The following MRPS28 variants were observed in gnomAD, a reference collection of about 807,000 sequenced individuals.
MRPS28 encodes the protein small ribosomal subunit protein bS1m.
MRPS28 carries 7 observed loss-of-function variants against 10.8 expected under a neutral mutation model. The ratio of observed to expected loss-of-function variants is 0.65; its 90% CI spans 0.37 to 1.22. The LOEUF (loss-of-function observed/expected upper bound fraction) is 1.22. Ranked by LOEUF, MRPS28 falls within the 50% of genes most tolerant of loss-of-function variation. The probability of loss-of-function intolerance (pLI) is 0.02; values close to 1 mark genes in which losing one functional copy is unlikely to be tolerated. For synonymous variants in MRPS28, 121 were observed against 93.3 expected, an observed-to-expected ratio of 1.30 and a Z score of -1.71; for missense variants, 265 against 232.9, an observed-to-expected ratio of 1.14 and a Z score of -0.90.
intron 2 of MRPS28, among the ~76,000 whole-genome samples, chr8:79,970,938 G>T (rs1336614908): frequency 6.6e-6 from 1 of 152,180 alleles, no homozygotes; most frequent in African/African-American, 2.4e-5. Flanking sequence ...TATTGTTTGG[G>T]CTAAGAAATT....
At chr8:80,002,064 G>A (rs1320931676) in intron 2 of MRPS28, among the ~76,000 whole-genome samples, 1 of 152,044 alleles carries the variant, frequency 6.6e-6, no homozygotes, top group Non-Finnish European at 1.5e-5. Flanking sequence ...GGTAGGACAA[G>A]CTTATGTCTC....
In MRPS28 at chr8:79,940,190, T is replaced by G. The variant is rs76456690; in HGVS notation, c.396-21042A>C. Among the ~76,000 whole-genome samples, 1,074 of 152,148 alleles carry G rather than the reference T, an allele frequency of 7.1e-3. 13 individuals are homozygous for G. The highest frequency in any genetic ancestry group is 0.056 in the East Asian group (290 of 5,158). ...GCAAAAATCTCTGGTAAAAAAGATA[T>G]TAGGTTTTAAAACAGGTTTCATGGC... On this transcript the variant is annotated intron_variant, in intron 2 of 2. Coordinates refer to ENST00000276585, the MANE Select transcript of MRPS28 (RefSeq NM_014018.3).
chr8:79,980,635 T>C (rs1448428241), intron 2 of MRPS28, among the ~76,000 whole-genome samples: 1 of 152,198 alleles, frequency 6.6e-6, no homozygotes, highest in Non-Finnish European at 1.5e-5. Context: ...CTAAGAACAG[T>C]ATATTCAACC....
At chr8:80,018,247 G>A (rs1278914118) in intron 1 of MRPS28, among the ~76,000 whole-genome samples, 1 of 121,540 alleles carries the variant, frequency 8.2e-6, no homozygotes, top group Non-Finnish European at 1.6e-5. Context: ...AGTGAGCCGA[G>A]ATCGTGCCAC....
chr8:80,000,618 T>C (rs910535093), intron 2 of MRPS28, among the ~76,000 whole-genome samples: 3 of 152,214 alleles, frequency 2.0e-5, no homozygotes, highest in Admixed American at 2.0e-4. Flanking sequence ...ATTTAATAAA[T>C]GTTGTAATAG....
At chr8:80,011,684 C>T (rs1285090292) in intron 1 of MRPS28, among the ~76,000 whole-genome samples, 9 of 151,866 alleles carry the variant, frequency 5.9e-5, no homozygotes, top group South Asian at 2.1e-4. Flanking sequence ...ACCCAGGAGG[C>T]GGAGGTTGCA....
chr8:79,949,759 C>G (rs1586053590), intron 2 of MRPS28, among the ~76,000 whole-genome samples: 1 of 151,854 alleles, frequency 6.6e-6, no homozygotes, highest in African/African-American at 2.4e-5. Flanking sequence ...CAATGAACAC[C>G]AAGTCTCTGA....
intron 2 of MRPS28, among the ~76,000 whole-genome samples, chr8:79,953,161 C>T (rs1377440289): frequency 6.6e-6 from 1 of 152,190 alleles, no homozygotes; most frequent in Admixed American, 6.5e-5. Context: ...GCTGCTTGAG[C>T]TCAGCAGGCT....
rs1221154821 is a variant in MRPS28 at position 79,938,931 on chromosome 8, T to G, written c.396-19783A>C. Among the ~76,000 whole-genome samples, 5 of 152,140 alleles carry G rather than the reference T, an allele frequency of 3.3e-5. No individual in the cohort carries two copies. In the East Asian group the frequency reaches 9.6e-4, roughly 29 times the overall value. On this transcript the variant is annotated intron_variant, in intron 2 of 2. Transcript: ENST00000276585. ...ATTAAGTAAAATCAAACATTTAACA[T>G]AAAATCTACAGATGGGGGATTCCTT...
chr8:79,958,318 T>C (rs1807281915), intron 2 of MRPS28: 2 of 687,482 alleles, frequency 2.9e-6, no homozygotes, highest in South Asian at 3.1e-5. Flanking sequence ...GGTTCATCCA[T>C]GTTGTATTAC....
At chr8:80,018,312 A>AAT (rs1474039061) in intron 1 of MRPS28, among the ~76,000 whole-genome samples, 3 of 151,268 alleles carry the variant, frequency 2.0e-5, no homozygotes, top group African/African-American at 7.3e-5. Flanking sequence ...AAAAAAAAAA[A>AAT]AAAAAGGCAA....
intron 2 of MRPS28, among the ~76,000 whole-genome samples, chr8:79,976,441 A>C (rs1807801846): frequency 6.6e-6 from 1 of 152,194 alleles, no homozygotes; most frequent in African/African-American, 2.4e-5. Context: ...TCCATGGCTC[A>C]TGCCCATAAT....
chr8:80,000,607 G>C (rs1445767375), intron 2 of MRPS28, among the ~76,000 whole-genome samples: 1 of 152,150 alleles, frequency 6.6e-6, no homozygotes, highest in East Asian at 1.9e-4. Flanking sequence ...AAAAAATTAA[G>C]ATTTAATAAA....
chr8:80,014,498 T>C (rs1563543360), intron 1 of MRPS28, among the ~76,000 whole-genome samples: 1 of 152,192 alleles, frequency 6.6e-6, no homozygotes, highest in East Asian at 1.9e-4. Flanking sequence ...AAAGGAAGGC[T>C]GGGAAGTCTG....
intron 1 of MRPS28, among the ~76,000 whole-genome samples, chr8:80,021,276 C>T (rs1809356197): frequency 1.3e-5 from 2 of 152,180 alleles, no homozygotes; most frequent in East Asian, 3.8e-4. Flanking sequence ...GCTGGGATTA[C>T]AGGTGTGAGC....
At chr8:79,948,118 G>C (rs1806974381) in intron 2 of MRPS28, among the ~76,000 whole-genome samples, 1 of 151,280 alleles carries the variant, frequency 6.6e-6, no homozygotes, top group East Asian at 1.9e-4. Flanking sequence ...CTCCTGAGCA[G>C]CTAGTGCTAC....
intron 2 of MRPS28, among the ~76,000 whole-genome samples, chr8:79,992,719 T>A (rs533677939): frequency 2.0e-5 from 3 of 152,346 alleles, no homozygotes; most frequent in Non-Finnish European, 4.4e-5. Context: ...AAGTGTAATT[T>A]CAGTAAGTAG....
chr8:80,016,118 T>C (rs944763750), intron 1 of MRPS28, among the ~76,000 whole-genome samples: 8 of 152,070 alleles, frequency 5.3e-5, no homozygotes, highest in African/African-American at 1.9e-4. Flanking sequence ...GCAGAAATAT[T>C]TGAAACAATA....
chr8:80,024,914 A>C (rs1382884787), intron 1 of MRPS28, among the ~76,000 whole-genome samples: 1 of 152,234 alleles, frequency 6.6e-6, no homozygotes, highest in Non-Finnish European at 1.5e-5. Context: ...AGAGCATTCA[A>C]AAACAGTTTC....
Sources: gnomAD v4.1 joint callset for allele counts (sites outside exome capture counted in the v4.1 genomes callset) on GRCh38, gnomAD v4.1.1 for gene constraint, MANE v1.5 for transcripts, NCBI Gene and HGNC (gene_info 2026-07-23, HGNC 2026-07-21) for gene names.